BTK: variants seen among roughly 807,000 people sequenced by gnomAD.
BTK encodes tyrosine-protein kinase BTK.
Under a neutral mutation model 57.4 loss-of-function variants are expected in BTK, and 5 were observed. The ratio of observed to expected loss-of-function variants is 0.09; its 90% CI spans 0.05 to 0.18. The LOEUF is 0.18. Ranked by LOEUF, BTK falls within the 10% of genes least tolerant of loss-of-function variation. BTK has a pLI of 1.00. For missense variants in BTK, 194 were observed against 501.2 expected (o/e 0.39, Z 5.85); for synonymous variants, 154 against 174.3 (o/e 0.88, Z 0.92).
intron 18 of BTK, among the ~76,000 whole-genome samples, chrX:101,350,305 G>A (rs1602998840): frequency 9.1e-6 from 1 of 109,841 alleles, no homozygotes; most frequent in Non-Finnish European, 1.9e-5. Flanking sequence ...AGTTCAAGTG[G>A]TTGGCAGAAC....
At chrX:101,371,337 A>G (rs1328490938) in intron 4 of BTK, among the ~76,000 whole-genome samples, 2 of 112,432 alleles carry the variant, frequency 1.8e-5, no homozygotes, top group African/African-American at 6.5e-5. Context: ...TGCTCACTCA[A>G]CAAGCAGAGC....
intron 3 of BTK, among the ~76,000 whole-genome samples, chrX:101,373,282 A>G (rs1555980631): frequency 8.9e-6 from 1 of 111,761 alleles, no homozygotes; most frequent in East Asian, 2.8e-4. Context: ...GGAAATTATC[A>G]TAAGGAAAAG....
chrX:101,354,112 A>C (rs1926388164), intron 16 of BTK, 124 bp from the exon 17 acceptor site: 2 of 546,321 alleles, frequency 3.7e-6, no homozygotes, highest in African/African-American at 4.5e-5. Flanking sequence ...TCTCCTCCTC[A>C]ACTAGTATCT....
At chrX:101,363,693 G>A (rs1555979029) in intron 5 of BTK, among the ~76,000 whole-genome samples, 1 of 103,889 alleles carries the variant, frequency 9.6e-6, no homozygotes, top group East Asian at 3.0e-4. Flanking sequence ...GTGACAGTGT[G>A]AGACTCTGTC....
At chrX:101,366,800 C>T (rs1926865347) in intron 5 of BTK, among the ~76,000 whole-genome samples, 1 of 112,281 alleles carries the variant, frequency 8.9e-6, no homozygotes, top group South Asian at 3.7e-4. Context: ...TGCCTAGCCA[C>T]ACTCCCTGAT....
At chrX:101,381,133 T>G (rs963258902) in intron 1 of BTK, among the ~76,000 whole-genome samples, 10 of 110,801 alleles carry the variant, frequency 9.0e-5, no homozygotes, top group African/African-American at 3.3e-4. Flanking sequence ...CTACTTCATA[T>G]GTTTTAATTC....
chrX:101,361,942 T>TA (rs1269359094), intron 7 of BTK, among the ~76,000 whole-genome samples: 4 of 112,515 alleles, frequency 3.6e-5, no homozygotes, highest in African/African-American at 1.3e-4. Flanking sequence ...AACTTTACAT[T>TA]AAAAAAATCA....
At chrX:101,356,384 G>A in intron 14 of BTK, 116 bp from the exon 15 acceptor site, 1 of 609,347 alleles carries the variant, frequency 1.6e-6, no homozygotes, top group Non-Finnish European at 2.6e-6. Flanking sequence ...GGTCACACCA[G>A]CAAGTTTATT....
intron 18 of BTK, among the ~76,000 whole-genome samples, chrX:101,352,824 A>G (rs1177677896): frequency 1.8e-5 from 2 of 109,256 alleles, no homozygotes; most frequent in Non-Finnish European, 3.8e-5. Flanking sequence ...ACTTGAACCC[A>G]GGAGGCAGAG....
At chrX:101,381,007 G>GAAAAAAAAAAAAAAA (rs782713123) in intron 1 of BTK, among the ~76,000 whole-genome samples, 1 of 24,742 alleles carries the variant, frequency 4.0e-5, no homozygotes. Flanking sequence ...ACTCGGTCGC[G>GAAAAAAAAAAAAAAA]AAAAAAAAAA....
chrX:101,390,631 C>A, upstream of BTK: 3 of 499,227 alleles, frequency 6.0e-6, no homozygotes, highest in Non-Finnish European at 1.1e-5. Flanking sequence ...TCCCAGTGAC[C>A]TTGAGGTGGA....
intron 5 of BTK, among the ~76,000 whole-genome samples, chrX:101,363,893 T>C (rs1338456811): frequency 9.9e-5 from 4 of 40,507 alleles, no homozygotes; most frequent in East Asian, 5.1e-4. Flanking sequence ...CGCACATTAT[T>C]ATTATTATTA....
chrX:101,383,600 TA>T (rs1466439805), intron 1 of BTK, among the ~76,000 whole-genome samples: 32 of 110,901 alleles, frequency 2.9e-4, no homozygotes, highest in African/African-American at 9.5e-4. Flanking sequence ...CCAGCTTGTC[TA>T]AAACTTAACT....
chrX:101,380,786 G>A (rs1186878318), intron 1 of BTK, among the ~76,000 whole-genome samples: 1 of 109,878 alleles, frequency 9.1e-6, no homozygotes, highest in African/African-American at 3.3e-5. Flanking sequence ...GCTGAGGCGG[G>A]TGGATGACAA....
At chrX:101,369,521 T>C (rs1168249129) in intron 5 of BTK, among the ~76,000 whole-genome samples, 1 of 111,804 alleles carries the variant, frequency 8.9e-6, no homozygotes, top group Non-Finnish European at 1.9e-5. Flanking sequence ...AAATATTGCA[T>C]AACCATTGAA....
chrX:101,354,204 A>G (rs926254373), intron 16 of BTK: 35 of 432,519 alleles, frequency 8.1e-5, no homozygotes, highest in Non-Finnish European at 1.2e-4. Context: ...TACAAGAAGG[A>G]TGAAGTGAAA....
intron 18 of BTK, chrX:101,352,899 C>CAA (rs60191867): frequency 2.9e-3 from 483 of 167,225 alleles, no homozygotes; most frequent in Middle Eastern, 4.5e-3. Context: ...ACTGTGTCAC[C>CAA]AAAAAAAAAA....
chrX:101,382,095 C>A (rs1927459661), intron 1 of BTK, among the ~76,000 whole-genome samples: 1 of 108,465 alleles, frequency 9.2e-6, no homozygotes, highest in African/African-American at 3.3e-5. Flanking sequence ...AACCTTTAAT[C>A]TTGTTAAATT....
rs558395759 is a variant in BTK at position 101,377,093 on chromosome X, G to A, written c.-30-1779C>T. Among the ~76,000 whole-genome samples, 10 of 110,980 alleles carry A rather than the reference G, an allele frequency of 9.0e-5. No homozygotes were observed. The South Asian group carries it at 3.5e-3, about 38-fold the overall frequency. ...TGTAAATTAGATTTTGAGAAAAATT[G>A]GGCAAGAGTGCAAACCTTTCCCTCC... On this transcript the variant is annotated intron_variant, in intron 1 of 18. Coordinates refer to ENST00000308731, the MANE Select transcript of BTK (RefSeq NM_000061.3).
Sources: allele counts gnomAD v4.1 joint callset (sites outside exome capture counted in the v4.1 genomes callset), GRCh38; gene constraint gnomAD v4.1.1; transcripts MANE v1.5; gene names NCBI Gene and HGNC (gene_info 2026-07-23, HGNC 2026-07-21).